Variants in SHISA6 observed in about 807,000 individuals in gnomAD.
SHISA6 encodes the protein protein shisa-6.
A neutral mutation model predicts 47.9 loss-of-function variants in SHISA6; 22 were observed. The observed-to-expected ratio is 0.46, with a 90% CI of 0.33 to 0.66. SHISA6 has a LOEUF of 0.66. Among genes scored for constraint, SHISA6 ranks in the 30% least tolerant of loss-of-function variants. The probability of loss-of-function intolerance (pLI) is 0.02; values close to 1 mark genes in which losing one functional copy is unlikely to be tolerated. For missense variants in SHISA6, 680 were observed against 764.6 expected (o/e 0.89, Z 1.30); for synonymous variants, 388 against 337.8 (o/e 1.15, Z -1.63).
At chr17:11,394,638 T>C (rs1298308212) in intron 3 of SHISA6, among the ~76,000 whole-genome samples, 1 of 152,242 alleles carries the variant, frequency 6.6e-6, no homozygotes, top group East Asian at 1.9e-4. Context: ...TATTATACCA[T>C]CATTTATATA....
chr17:11,492,672 T>C (rs1203822323), intron 3 of SHISA6, among the ~76,000 whole-genome samples: 1 of 152,142 alleles, frequency 6.6e-6, no homozygotes, highest in African/African-American at 2.4e-5. Context: ...CGCACTACTG[T>C]GTGCATCAAG....
chr17:11,241,664 TGGC>T lies in SHISA6; in HGVS notation c.252_254del (p.Ala85del), dbSNP rs779401423. 1.4e-6 allele frequency: 2 copies of T among 1,457,582 alleles called. No individual in the cohort carries two copies. Among genetic ancestry groups the T allele is most frequent in the Non-Finnish European group, 1.8e-6 (2 of 1,111,160 alleles). 90.3% of individuals were successfully genotyped at this position (1,457,582 alleles called of 1,614,324 possible). ...CGGCGGGGGCAGCCCGCGGCGGCTGTGGCGGCGGCGGCCAGCGCGGCCGTCACC... is the reference window on the plus strand; with the variant it reads ...CGGCGGGGGCAGCCCGCGGCGGCTGTGGCGGCGGCCAGCGCGGCCGTCACC... On this transcript the variant is annotated inframe_deletion, in exon 1 of 6. Transcript: ENST00000441885. The surrounding 1 kb of genome is among the most constrained non-coding windows in gnomAD (Gnocchi z 5.5).
intron 2 of SHISA6, among the ~76,000 whole-genome samples, chr17:11,363,453 G>C (rs887567396): frequency 1.3e-5 from 2 of 152,046 alleles, no homozygotes; most frequent in African/African-American, 4.8e-5. Flanking sequence ...TTCCAGATTT[G>C]TTTTCTCAGT....
At chr17:11,253,533 T>C (rs1450873840) in intron 1 of SHISA6, among the ~76,000 whole-genome samples, 1 of 152,178 alleles carries the variant, frequency 6.6e-6, no homozygotes, top group Non-Finnish European at 1.5e-5. Context: ...TTTAGTTGAG[T>C]TTGAAATCCT....
At chr17:11,420,261 C>G (rs377754040) in intron 3 of SHISA6, among the ~76,000 whole-genome samples, 2 of 152,124 alleles carry the variant, frequency 1.3e-5, no homozygotes, top group Non-Finnish European at 2.9e-5. Context: ...GCCCTGCCCC[C>G]GCGGGACTGG....
intron 3 of SHISA6, among the ~76,000 whole-genome samples, chr17:11,393,031 C>A (rs1160258429): frequency 3.3e-5 from 5 of 152,256 alleles, no homozygotes; most frequent in African/African-American, 1.2e-4. Flanking sequence ...GCATTTGCCC[C>A]TAAGCCTATT....
At chr17:11,543,634 A>C (rs2142380829) in intron 3 of SHISA6, among the ~76,000 whole-genome samples, 1 of 152,264 alleles carries the variant, frequency 6.6e-6, no homozygotes, top group East Asian at 1.9e-4. Flanking sequence ...GAAAAGGCAA[A>C]GGAAGTAGAA....
intron 2 of SHISA6, among the ~76,000 whole-genome samples, chr17:11,294,010 C>G (rs1014737058): frequency 6.7e-6 from 1 of 148,726 alleles, no homozygotes; most frequent in Non-Finnish European, 1.5e-5. Flanking sequence ...CTCAGCCTCC[C>G]GAGTAGCTGG....
chr17:11,357,850 G>A (rs531435847), intron 2 of SHISA6, among the ~76,000 whole-genome samples: 1 of 152,306 alleles, frequency 6.6e-6, no homozygotes, highest in South Asian at 2.1e-4. Flanking sequence ...CGTGTTTGAA[G>A]ACTCTTAGTA....
At chr17:11,467,557 T>C (rs1016388921) in intron 3 of SHISA6, among the ~76,000 whole-genome samples, 2 of 152,184 alleles carry the variant, frequency 1.3e-5, no homozygotes, top group African/African-American at 4.8e-5. Context: ...ATCTCCCTCA[T>C]TGTGATATCC....
chr17:11,535,066 T>C (rs1255892346), intron 3 of SHISA6, among the ~76,000 whole-genome samples: 2 of 151,946 alleles, frequency 1.3e-5, no homozygotes, highest in African/African-American at 4.8e-5. Context: ...AGGCAGAGGT[T>C]GCGGTGAGGG....
intron 2 of SHISA6, among the ~76,000 whole-genome samples, chr17:11,303,498 A>G (rs1910000187): frequency 6.6e-6 from 1 of 151,600 alleles, no homozygotes; most frequent in South Asian, 2.1e-4. Flanking sequence ...CTTGTGTGTG[A>G]CTGTGAGCAT....
intron 2 of SHISA6, among the ~76,000 whole-genome samples, chr17:11,269,104 C>T (rs1402031051): frequency 6.6e-6 from 1 of 151,368 alleles, no homozygotes; most frequent in Non-Finnish European, 1.5e-5. Context: ...TGCAGTGGCG[C>T]GATCTCAGCC....
intron 2 of SHISA6, among the ~76,000 whole-genome samples, chr17:11,301,404 T>C (rs967913741): frequency 3.9e-5 from 6 of 152,174 alleles, no homozygotes; most frequent in Admixed American, 2.6e-4. Context: ...TCCACTTCTT[T>C]GGGGGCTCCG....
At chr17:11,554,839 A>G (rs1202729266) in intron 4 of SHISA6, among the ~76,000 whole-genome samples, 2 of 151,652 alleles carry the variant, frequency 1.3e-5, no homozygotes, top group Non-Finnish European at 1.5e-5. Context: ...CCGGCCCTGC[A>G]TGCCCCCTCT....
chr17:11,393,125 T>C (rs1913444463), intron 3 of SHISA6, among the ~76,000 whole-genome samples: 1 of 152,242 alleles, frequency 6.6e-6, no homozygotes, highest in Admixed American at 6.5e-5. Flanking sequence ...TAAGAAGATA[T>C]CTGGGCATTT....
intron 4 of SHISA6, among the ~76,000 whole-genome samples, chr17:11,553,188 G>A (rs2071945970): frequency 6.6e-6 from 1 of 152,172 alleles, no homozygotes; most frequent in East Asian, 1.9e-4. Flanking sequence ...GAAGTCTGGA[G>A]GAAGGTTAGA....
chr17:11,313,675 T>A (rs1340242322), intron 2 of SHISA6, among the ~76,000 whole-genome samples: 1 of 151,758 alleles, frequency 6.6e-6, no homozygotes, highest in African/African-American at 2.4e-5. Flanking sequence ...TATGGAGGAG[T>A]CAGCCAGGTC....
intron 2 of SHISA6, among the ~76,000 whole-genome samples, chr17:11,322,008 T>G (rs1910732340): frequency 6.6e-6 from 1 of 152,254 alleles, no homozygotes; most frequent in African/African-American, 2.4e-5. Flanking sequence ...TAAAGTAATT[T>G]AAAACTTAAG....
Sources: gnomAD v4.1 joint callset for allele counts (sites outside exome capture counted in the v4.1 genomes callset) on GRCh38, gnomAD v4.1.1 for gene constraint, Gnocchi (gnomAD v3.1) non-coding constraint, MANE v1.5 for transcripts, NCBI Gene and HGNC (gene_info 2026-07-23, HGNC 2026-07-21) for gene names.